The following ABR variants were observed in gnomAD, a reference collection of about 807,000 sequenced individuals.
ABR encodes active breakpoint cluster region-related protein.
ABR carries 35 observed loss-of-function variants against 107.2 expected under a neutral mutation model. That is an observed-to-expected ratio of 0.33 (90% CI 0.25 to 0.43). ABR has a LOEUF of 0.43. ABR is among the 20% of genes least tolerant of loss of function. ABR has a pLI of 1.00. For synonymous variants in ABR, 498 were observed against 462.0 expected, an observed-to-expected ratio of 1.08 and a Z score of -1.00; for missense variants, 815 against 1,115.2, an observed-to-expected ratio of 0.73 and a Z score of 3.83.
intron 1 of ABR, among the ~76,000 whole-genome samples, chr17:1,211,707 A>AC (rs1415846730): frequency 6.6e-6 from 1 of 152,116 alleles, no homozygotes; most frequent in African/African-American, 2.4e-5. Context: ...GGGCAGTCTG[A>AC]CCCCAGAACC....
intron 1 of ABR, among the ~76,000 whole-genome samples, chr17:1,202,266 G>T (rs2042685129): frequency 6.6e-6 from 1 of 152,096 alleles, no homozygotes; most frequent in African/African-American, 2.4e-5. Flanking sequence ...GACCTCAGGT[G>T]ATCCACCCCC....
intron 1 of ABR, among the ~76,000 whole-genome samples, chr17:1,186,561 G>A (rs769326495): frequency 6.6e-6 from 1 of 152,180 alleles, no homozygotes; most frequent in Non-Finnish European, 1.5e-5. Flanking sequence ...CCGAGTTGAA[G>A]CCCCGTTCCC....
At chr17:1,110,118 G>A (rs1250155137) in intron 2 of ABR, among the ~76,000 whole-genome samples, 3 of 151,044 alleles carry the variant, frequency 2.0e-5, no homozygotes, top group Non-Finnish European at 4.4e-5. Context: ...ACAGAACCCA[G>A]GACAGGCACC....
intron 12 of ABR, 66 bp from the exon 13 acceptor site, chr17:1,057,168 TG>T: frequency 9.2e-7 from 1 of 1,089,836 alleles, no homozygotes; most frequent in Non-Finnish European, 1.4e-6. Context: ...TGCTCTTCCC[TG>T]GGGGCTGCTG....
At chr17:1,058,607 C>T in intron 11 of ABR, 138 bp downstream of exon 11, 1 of 1,197,918 alleles carries the variant, frequency 8.3e-7, no homozygotes, top group South Asian at 1.6e-5. Context: ...AGCGAGTCAA[C>T]AGCTGGAGCC....
At chr17:1,025,509 C>T (rs1322126878) in intron 16 of ABR, among the ~76,000 whole-genome samples, 1 of 152,210 alleles carries the variant, frequency 6.6e-6, no homozygotes, top group Non-Finnish European at 1.5e-5. Flanking sequence ...TCCTGAACCG[C>T]AGGGCCCCAC....
chr17:1,047,082 T>C (rs1293000766), intron 16 of ABR, among the ~76,000 whole-genome samples: 1 of 152,226 alleles, frequency 6.6e-6, no homozygotes, highest in East Asian at 1.9e-4. Context: ...GTAGGGCCCC[T>C]TGCTTTCTCT....
exon 1 of ABR, chr17:1,228,863 GCCGGGC>G (rs2043275136): frequency 6.6e-6 from 1 of 151,824 alleles, no homozygotes; most frequent in Non-Finnish European, 1.5e-5. Context: ...GCGAGCTGTG[GCCGGGC>G]GAGTCCCGCT....
chr17:1,166,957 C>T (rs978822143), intron 1 of ABR, among the ~76,000 whole-genome samples: 5 of 152,096 alleles, frequency 3.3e-5, no homozygotes, highest in South Asian at 4.2e-4. Context: ...GAGCTGAGAT[C>T]GCGCCACTGC....
At chr17:1,047,240 G>A (rs2031763516) in intron 16 of ABR, among the ~76,000 whole-genome samples, 1 of 152,274 alleles carries the variant, frequency 6.6e-6, no homozygotes, top group Admixed American at 6.5e-5. Flanking sequence ...AGCGCCTGCT[G>A]GCGGGCAGAA....
In ABR at chr17:1,110,193, A is replaced by G. The variant is rs548668371; in HGVS notation, c.247-9458T>C. Among the ~76,000 whole-genome samples, 9 of 151,750 alleles carry G rather than the reference A, an allele frequency of 5.9e-5. No homozygotes were observed. The South Asian group carries it at 1.5e-3, about 25-fold the overall frequency. On this transcript the variant is annotated intron_variant, in intron 2 of 22. Transcript: ENST00000302538. ...TTCTCCAATGGTTGCAGAACCCCCA[A>G]CTGTGCAGGGAGTGAGGCCACATTC...
At chr17:1,141,506 G>A (rs569024967) in intron 1 of ABR, among the ~76,000 whole-genome samples, 2 of 152,228 alleles carry the variant, frequency 1.3e-5, no homozygotes, top group Admixed American at 1.3e-4. Flanking sequence ...AAGCTTTTGC[G>A]AGGTTACAAT....
intron 5 of ABR, among the ~76,000 whole-genome samples, chr17:1,081,237 C>T (rs1332403897): frequency 6.6e-6 from 1 of 152,238 alleles, no homozygotes; most frequent in East Asian, 1.9e-4. Flanking sequence ...TTCTCCAGCC[C>T]CTTTTATTTG....
chr17:1,139,765 C>T (rs996773869), intron 1 of ABR, among the ~76,000 whole-genome samples: 9 of 152,286 alleles, frequency 5.9e-5, no homozygotes, highest in African/African-American at 2.2e-4. Flanking sequence ...ACAACCTTTG[C>T]TCTTAAAATG....
At chr17:1,147,699 ACACCCTGCTCC>A (rs1332787538) in intron 1 of ABR, among the ~76,000 whole-genome samples, 3 of 152,030 alleles carry the variant, frequency 2.0e-5, no homozygotes, top group African/African-American at 7.2e-5. Flanking sequence ...GGCTACCCTA[ACACCCTGCTCC>A]CACTCAGCCC....
chr17:1,216,510 G>A (rs1037112793), intron 1 of ABR, among the ~76,000 whole-genome samples: 9 of 152,194 alleles, frequency 5.9e-5, no homozygotes, highest in Middle Eastern at 3.2e-3. Flanking sequence ...GGGGCCCGTC[G>A]GCTCTAACTA....
At chr17:1,041,693 A>G (rs1260547948) in intron 16 of ABR, among the ~76,000 whole-genome samples, 2 of 152,324 alleles carry the variant, frequency 1.3e-5, no homozygotes, top group East Asian at 1.9e-4. Flanking sequence ...AGACTGCGCC[A>G]TTACACTCAG....
chr17:1,191,063 C>T (rs77521404), upstream of ABR, among the ~76,000 whole-genome samples: 931 of 152,296 alleles, frequency 6.1e-3, 6 homozygotes, highest in Non-Finnish European at 9.3e-3. Context: ...GGCCCGAGGG[C>T]GCTATACAGT....
exon 1 of ABR, chr17:1,187,031 A>G (rs565594341): frequency 6.6e-6 from 1 of 152,654 alleles, no homozygotes; most frequent in Non-Finnish European, 1.5e-5. Context: ...AATTCTGCAG[A>G]CGCATCCCAG....
Sources: gnomAD v4.1 joint callset for allele counts (sites outside exome capture counted in the v4.1 genomes callset) on GRCh38, gnomAD v4.1.1 for gene constraint, MANE v1.5 for transcripts, NCBI Gene and HGNC (gene_info 2026-07-23, HGNC 2026-07-21) for gene names.